The following SSH1 variants were observed in gnomAD, a reference collection of about 807,000 sequenced individuals.
The protein encoded by SSH1 is protein phosphatase Slingshot homolog 1.
In SSH1, 43 loss-of-function variants were observed where a neutral mutation model predicts 79.7. That is an observed-to-expected ratio of 0.54 (90% CI 0.42 to 0.70). The LOEUF (loss-of-function observed/expected upper bound fraction) is 0.70, where lower values mean the gene tolerates loss of function less well. Among genes scored for constraint, SSH1 ranks in the 30% least tolerant of loss-of-function variants. The pLI is 0.00. For synonymous variants in SSH1, 599 were observed against 538.3 expected (o/e 1.11, Z -1.56); for missense variants, 1,206 against 1,358.8 (o/e 0.89, Z 1.77).
intron 5 of SSH1, among the ~76,000 whole-genome samples, chr12:108,812,203 G>A (rs982521421): frequency 2.6e-5 from 4 of 152,172 alleles, no homozygotes; most frequent in African/African-American, 9.7e-5. Context: ...AAATTCTCAG[G>A]TCCCTCCGTG....
intron 2 of SSH1, among the ~76,000 whole-genome samples, chr12:108,851,317 T>C (rs2039034222): frequency 6.6e-6 from 1 of 152,200 alleles, no homozygotes; most frequent in African/African-American, 2.4e-5. Context: ...GGAGAAAAGC[T>C]GAGCATATTT....
At position 108,812,122 on chromosome 12, in the gene SSH1, T is replaced by C. The variant is rs569132469; in HGVS notation, c.402-794A>G. 1.2e-3 allele frequency among the ~76,000 whole-genome samples: 190 copies of C among 152,258 alleles called. 1 individual carries two copies. Among genetic ancestry groups the C allele is most frequent in the African/African-American group, 4.3e-3 (180 of 41,568 alleles). On this transcript the variant is annotated intron_variant, in intron 5 of 14. Transcript: ENST00000326495. Reference sequence around the variant, plus strand: ...CCATGCAGGACTCTTCTCAACCCCATGCTTCTATATCTGTGGGGAAGGTTG... The same window carrying C: ...CCATGCAGGACTCTTCTCAACCCCACGCTTCTATATCTGTGGGGAAGGTTG...
Position 108,783,677 on chromosome 12 carries a change from T to C in SSH1, c.*4311A>G, listed in dbSNP as rs1248551609. 2 of 152,250 alleles carry C rather than the reference T, an allele frequency of 1.3e-5. No homozygotes were observed. Among genetic ancestry groups the C allele is most frequent in the Admixed American group, 6.5e-5 (1 of 15,290 alleles). 9.4% of individuals were successfully genotyped at this position (152,250 alleles called of 1,614,324 possible). A position where few individuals can be genotyped will look rare whatever the true frequency, so the allele number is the denominator to read the frequency against. On this transcript the variant is annotated 3_prime_UTR_variant, in exon 15 of 15. Transcript: ENST00000326495. ...ATTCCAGATCGTTAAGGTGATTTGC[T>C]CTGTGGCTCAGGTGACACAGTGTGT...
intron 7 of SSH1, among the ~76,000 whole-genome samples, chr12:108,808,198 A>G (rs538813724): frequency 3.3e-5 from 5 of 152,336 alleles, no homozygotes; most frequent in Non-Finnish European, 5.9e-5. Flanking sequence ...TCGGCCTCCC[A>G]AAGTACTGGG....
chr12:108,802,009 G>C (rs1052822150), intron 11 of SSH1, among the ~76,000 whole-genome samples: 5 of 152,214 alleles, frequency 3.3e-5, no homozygotes, highest in Non-Finnish European at 5.9e-5. Flanking sequence ...AGGGAAGCGG[G>C]GTGGGGGTGA....
intron 11 of SSH1, 31 bp downstream of exon 11, chr12:108,802,291 G>A: frequency 6.2e-7 from 1 of 1,610,212 alleles, no homozygotes; most frequent in Non-Finnish European, 8.5e-7. Flanking sequence ...CTGCCTGGAA[G>A]GACAGGGAAA....
At chr12:108,809,300 T>A (rs1259708690) in intron 7 of SSH1, among the ~76,000 whole-genome samples, 2 of 147,936 alleles carry the variant, frequency 1.4e-5, no homozygotes, top group Admixed American at 6.7e-5. Flanking sequence ...AAAAAAAAAA[T>A]AGAAAAGTTA....
intron 2 of SSH1, among the ~76,000 whole-genome samples, chr12:108,842,772 T>C (rs1158569654): frequency 6.6e-6 from 1 of 152,092 alleles, no homozygotes; most frequent in Non-Finnish European, 1.5e-5. Context: ...GAGCACAGGT[T>C]TTGGAGTCAA....
intron 6 of SSH1, among the ~76,000 whole-genome samples, chr12:108,810,244 AG>A (rs1266226025): frequency 6.6e-6 from 1 of 151,880 alleles, no homozygotes; most frequent in Non-Finnish European, 1.5e-5. Flanking sequence ...AATACAAGCC[AG>A]GGGTGGTGGC....
At chr12:108,825,359 A>AGTCTAAAG (rs2038272063) in intron 2 of SSH1, among the ~76,000 whole-genome samples, 1 of 152,226 alleles carries the variant, frequency 6.6e-6, no homozygotes. Context: ...AACTCAGCAA[A>AGTCTAAAG]GTCTAAAGTA....
intron 2 of SSH1, among the ~76,000 whole-genome samples, chr12:108,847,705 G>T (rs574737193): frequency 3.3e-5 from 5 of 152,126 alleles, no homozygotes; most frequent in African/African-American, 1.2e-4. Context: ...GATCCGTCCC[G>T]CCTTGGCCTT....
Position 108,788,482 on chromosome 12 carries a change from C to A in SSH1, c.2656G>T (p.Ala886Ser), listed in dbSNP as rs190071016. The A allele has an allele frequency of 7.7e-6, 12 of 1,555,050 alleles. No homozygotes were observed. The highest frequency in any genetic ancestry group is 2.0e-5 in the Admixed American group (1 of 51,230). ...GAGCCTCCTTCCAATGAAGCGGGGGCGGCCTCTGACTTCTCATCACTCCCG... is the reference window on the plus strand; with the variant it reads ...GAGCCTCCTTCCAATGAAGCGGGGGAGGCCTCTGACTTCTCATCACTCCCG... ...QAGSDEKSEA[A>S]PASLEGGSLK... Residue 886 changes from alanine to serine, a missense_variant, in exon 15 of 15, where the codon GCC (alanine) becomes TCC (serine). Ala to Ser is a moderately conservative substitution (Grantham distance 99). Around this residue, in one of 5 missense-constraint regions of SSH1, gnomAD observed 709 missense variants for 730.6 expected, o/e 0.97. Coordinates refer to ENST00000326495, the MANE Select transcript of SSH1 (RefSeq NM_018984.4).
Position 108,805,037 on chromosome 12 carries a change from C to A in SSH1, c.954+19G>T. The A allele has an allele frequency of 6.2e-7, 1 of 1,613,828 alleles. No homozygotes were observed. Among genetic ancestry groups the A allele is most frequent in the Non-Finnish European group, 8.5e-7 (1 of 1,179,784 alleles). On this transcript the variant is annotated intron_variant, in intron 10 of 14. Transcript: ENST00000326495. The stretch of plus-strand genomic sequence containing the variant: ...TTTATGTCCCCCAAACCAGATACTG[C>A]CAGGGCCATGCCTCTTACGAGATAA...
chr12:108,827,171 A>T, intron 2 of SSH1: 1 of 1,316,140 alleles, frequency 7.6e-7, no homozygotes. Flanking sequence ...AATGCTCCTC[A>T]AAAAACCCCA....
chr12:108,797,648 C>G (rs1191542995), intron 13 of SSH1, among the ~76,000 whole-genome samples: 1 of 152,182 alleles, frequency 6.6e-6, no homozygotes, highest in Non-Finnish European at 1.5e-5. Flanking sequence ...AGAGTGGCAG[C>G]TTGACTTTAG....
In SSH1 at chr12:108,779,357, A is replaced by C. The variant is rs1466222215; in HGVS notation, c.*8631T>G. 1 of 152,208 alleles carries C rather than the reference A, an allele frequency of 6.6e-6. No homozygotes were observed. Among genetic ancestry groups the C allele is most frequent in the Non-Finnish European group, 1.5e-5 (1 of 68,048 alleles). 9.4% of individuals were successfully genotyped at this position (152,208 alleles called of 1,614,324 possible). A position where few individuals can be genotyped will look rare whatever the true frequency, so the allele number is the denominator to read the frequency against. On this transcript the variant is annotated 3_prime_UTR_variant, in exon 15 of 15. Coordinates refer to ENST00000326495, the MANE Select transcript of SSH1 (RefSeq NM_018984.4). ...GAGCAAGAAGTGGGTCCAATTTCCC[A>C]GGGGCTGGGGGCTTCATCTCCAACT...
At chr12:108,840,514 C>T (rs150999640) in intron 2 of SSH1, among the ~76,000 whole-genome samples, 55 of 151,596 alleles carry the variant, frequency 3.6e-4, no homozygotes, top group Non-Finnish European at 5.2e-4. Context: ...GCCTGGGTGA[C>T]GGAGCAAGAC....
Position 108,784,877 on chromosome 12 carries a change from A to G in SSH1, c.*3111T>C, listed in dbSNP as rs1013019169. The G allele has an allele frequency of 2.6e-5, 4 of 152,252 alleles. No individual in the cohort carries two copies. Among genetic ancestry groups the G allele is most frequent in the Admixed American group, 6.5e-5 (1 of 15,288 alleles). The allele number at this position is 152,252 out of a possible 1,614,324, so 9.4% of individuals were successfully genotyped here. A position where few individuals can be genotyped will look rare whatever the true frequency, so the allele number is the denominator to read the frequency against. On this transcript the variant is annotated 3_prime_UTR_variant, in exon 15 of 15. Coordinates refer to ENST00000326495, the MANE Select transcript of SSH1 (RefSeq NM_018984.4). ...TGTCCCAATTCAACAAATGCATTCA[A>G]TGAAAATGATAGTCATAAAAAACCA...
At chr12:108,792,187 G>C in intron 14 of SSH1, 99 bp downstream of exon 14, 1 of 1,579,404 alleles carries the variant, frequency 6.3e-7, no homozygotes, top group Non-Finnish European at 8.6e-7. Flanking sequence ...GGGTGTGGTG[G>C]CGGGTGCCTG....
Sources: allele counts gnomAD v4.1 joint callset (sites outside exome capture counted in the v4.1 genomes callset), GRCh38; gene constraint gnomAD v4.1.1; regional missense constraint gnomAD v4.1.1; transcripts MANE v1.5; gene names NCBI Gene and HGNC (gene_info 2026-07-23, HGNC 2026-07-21).